Variants in CCDC192 observed in about 807,000 individuals in gnomAD.
CCDC192 encodes the protein coiled-coil domain-containing protein 192.
Position 127,918,216 on chromosome 5 carries a change from T to TAAAAA in CCDC192, c.536-22951_536-22947dup, listed in dbSNP as rs1219307107. ...AGGGTTGCCAGACACCTTCAATTTG[T>TAAAAA]AAAAAAAAAAAAAAAAAAAGTAGTA... On this transcript the variant is annotated intron_variant, in intron 6 of 6. Transcript: ENST00000514853. Among the ~76,000 whole-genome samples, 54 of 100,400 alleles carry TAAAAA rather than the reference T, an allele frequency of 5.4e-4. 4 individuals are homozygous for TAAAAA. The highest frequency in any genetic ancestry group is 2.3e-3 in the African/African-American group (52 of 22,164). 65.9% of individuals were successfully genotyped at this position (100,400 alleles called of 152,430 possible).
At chr5:127,895,106 T>TA (rs1752842890) in intron 6 of CCDC192, among the ~76,000 whole-genome samples, 1 of 152,190 alleles carries the variant, frequency 6.6e-6, no homozygotes, top group African/African-American at 2.4e-5. Context: ...ACCTAGGTAT[T>TA]AAGCCCAGCA....
chr5:127,798,220 G>T, intron 5 of CCDC192, 58 bp downstream of exon 5: 1 of 397,394 alleles, frequency 2.5e-6, no homozygotes, highest in South Asian at 1.3e-4. Flanking sequence ...GCTTGGAAAT[G>T]AACAGAACAT....
chr5:127,886,348 G>A lies in CCDC192; in HGVS notation c.535+10687G>A, dbSNP rs78663480. Among the ~76,000 whole-genome samples the A allele has an allele frequency of 1.1e-4, 16 of 152,266 alleles. No homozygotes were observed. The East Asian group carries it at 2.9e-3, about 28-fold the overall frequency. ...GAATAGAACTTGGCAAACAAAGGAAGGAGGAGCCCTCAGTCACAGACTGAA... is the reference window on the plus strand; with the variant it reads ...GAATAGAACTTGGCAAACAAAGGAAAGAGGAGCCCTCAGTCACAGACTGAA... On this transcript the variant is annotated intron_variant, in intron 6 of 6. Transcript: ENST00000514853.
intron 5 of CCDC192, among the ~76,000 whole-genome samples, chr5:127,810,056 A>G (rs946187171): frequency 5.3e-5 from 8 of 152,354 alleles, no homozygotes; most frequent in Middle Eastern, 3.4e-3. Context: ...AAAAAAGGCC[A>G]GGAATAAGTG....
chr5:127,736,685 C>A (rs1753018992), intron 2 of CCDC192, among the ~76,000 whole-genome samples: 1 of 151,566 alleles, frequency 6.6e-6, no homozygotes, highest in Admixed American at 6.6e-5. Flanking sequence ...GGAATTTATC[C>A]ATTTCTTCTA....
At position 127,880,571 on chromosome 5, in the gene CCDC192, G is replaced by A. The variant is rs757242993; in HGVS notation, c.535+4910G>A. On this transcript the variant is annotated intron_variant, in intron 6 of 6. Transcript: ENST00000514853. ...TACATATGTAACTAACCTGCACAATGTGCACATGTACCCTAAAACTTAAAG... is the reference window on the plus strand; with the variant it reads ...TACATATGTAACTAACCTGCACAATATGCACATGTACCCTAAAACTTAAAG... 9.3e-4 allele frequency among the ~76,000 whole-genome samples: 141 copies of A among 151,252 alleles called. 2 individuals carry two copies. Among genetic ancestry groups the A allele is most frequent in the South Asian group, 3.8e-3 (18 of 4,778 alleles).
intron 6 of CCDC192, among the ~76,000 whole-genome samples, chr5:127,939,039 T>C (rs1052613132): frequency 1.3e-5 from 2 of 149,098 alleles, no homozygotes; most frequent in African/African-American, 4.9e-5. Flanking sequence ...GGCAATGAAC[T>C]AAATGCTTTT....
chr5:127,921,092 G>GGAAAA (rs1554086043), intron 6 of CCDC192, among the ~76,000 whole-genome samples: 1 of 95,364 alleles, frequency 1.0e-5, no homozygotes, highest in Non-Finnish European at 2.1e-5. Flanking sequence ...GGAAAAGAAA[G>GGAAAA]GAAAGGAAAG....
chr5:127,785,196 T>G, intron 3 of CCDC192: 2 of 528,024 alleles, frequency 3.8e-6, no homozygotes, highest in Admixed American at 2.0e-5. Context: ...ACAACTGATA[T>G]AACCATGTCA....
At chr5:127,719,831 G>A (rs1397045566) in intron 2 of CCDC192, among the ~76,000 whole-genome samples, 3 of 66,814 alleles carry the variant, frequency 4.5e-5, no homozygotes, top group South Asian at 1.7e-3. Flanking sequence ...TCAGAGGAAG[G>A]GGCGGGGGAG....
intron 5 of CCDC192, among the ~76,000 whole-genome samples, chr5:127,854,349 G>A (rs916977142): frequency 1.2e-4 from 18 of 152,024 alleles, no homozygotes; most frequent in African/African-American, 3.9e-4. Context: ...TTACGGTTGC[G>A]CCTTCTGCAG....
chr5:127,780,911 A>G (rs1756179064), intron 3 of CCDC192, among the ~76,000 whole-genome samples: 1 of 152,202 alleles, frequency 6.6e-6, no homozygotes, highest in South Asian at 2.1e-4. Context: ...GCTAATGTCT[A>G]GAAGGGTTTT....
intron 2 of CCDC192, among the ~76,000 whole-genome samples, chr5:127,750,785 A>T (rs1260984191): frequency 6.7e-6 from 1 of 149,750 alleles, no homozygotes; most frequent in African/African-American, 2.5e-5. Flanking sequence ...TTGCTTTATG[A>T]ATCTGGGTGC....
At chr5:127,752,884 C>A (rs546757310) in intron 2 of CCDC192, among the ~76,000 whole-genome samples, 2 of 152,170 alleles carry the variant, frequency 1.3e-5, no homozygotes, top group East Asian at 1.9e-4. Flanking sequence ...TTCCAGGTGC[C>A]GTTCGTCACC....
At chr5:127,914,557 A>G (rs931989037) in intron 6 of CCDC192, among the ~76,000 whole-genome samples, 1 of 152,342 alleles carries the variant, frequency 6.6e-6, no homozygotes, top group African/African-American at 2.4e-5. Flanking sequence ...GAGGATTTAA[A>G]AAATAGAACT....
chr5:127,706,353 C>A (rs1252973060), intron 1 of CCDC192, among the ~76,000 whole-genome samples: 1 of 151,642 alleles, frequency 6.6e-6, no homozygotes, highest in African/African-American at 2.4e-5. Context: ...ATGGTGAAAC[C>A]CCGTCTCTAC....
At chr5:127,924,636 A>C (rs903707954) in intron 6 of CCDC192, among the ~76,000 whole-genome samples, 2 of 152,242 alleles carry the variant, frequency 1.3e-5, no homozygotes, top group African/African-American at 4.8e-5. Context: ...CAAGACTTCC[A>C]TGGACTTACA....
At position 127,941,427 on chromosome 5, in the gene CCDC192, A is replaced by T. The variant is rs970682047; in HGVS notation, c.781A>T (p.Thr261Ser). 7.5e-6 allele frequency: 3 copies of T among 398,948 alleles called. No individual in the cohort carries two copies. In the Admixed American group the frequency reaches 1.3e-4, roughly 18 times the overall value. The allele number at this position is 398,948 out of a possible 1,614,324, so 24.7% of individuals were successfully genotyped here. ...TTTACCAGAAGCCCCAGTTTTCTCT[A>T]CTCATGACATCCCACCTGTGGTCTC... ...GCLPEAPVFS[T>S]HDIPPVVSDE... The change falls in exon 7 of 7, where the codon ACT becomes TCT. Residue 261 changes from threonine to serine, a missense_variant. By Grantham distance (58) the Thr-to-Ser change is moderately conservative. Transcript: ENST00000514853.
At chr5:127,781,571 T>C (rs2126933750) in intron 3 of CCDC192, among the ~76,000 whole-genome samples, 1 of 151,088 alleles carries the variant, frequency 6.6e-6, no homozygotes, top group East Asian at 1.9e-4. Context: ...TATTCCTAAG[T>C]ATTCCTTTTT....
Sources: allele counts gnomAD v4.1 joint callset (sites outside exome capture counted in the v4.1 genomes callset), GRCh38; gene constraint gnomAD v4.1.1; transcripts MANE v1.5; gene names NCBI Gene and HGNC (gene_info 2026-07-23, HGNC 2026-07-21).